Variants in YTHDC2 observed in about 807,000 individuals in gnomAD.
YTHDC2 encodes the protein 3'-5' RNA helicase YTHDC2.
YTHDC2 carries 45 observed loss-of-function variants against 174.9 expected under a neutral mutation model. The observed-to-expected ratio is 0.26, with a 90% CI of 0.20 to 0.33. YTHDC2 has a LOEUF of 0.33. Among genes scored for constraint, YTHDC2 ranks in the 10% least tolerant of loss-of-function variants. YTHDC2 has a pLI of 1.00. For synonymous variants in YTHDC2, 657 were observed against 574.5 expected (o/e 1.14, Z -2.05); for missense variants, 1,650 against 1,723.7 (o/e 0.96, Z 0.76).
chr5:113,526,288 TTTA>T (rs936500992), intron 3 of YTHDC2, among the ~76,000 whole-genome samples: 2 of 152,078 alleles, frequency 1.3e-5, no homozygotes, highest in South Asian at 2.1e-4. Flanking sequence ...TATTGAATGA[TTTA>T]TTTTTATCAA....
At chr5:113,569,747 C>T (rs1273676988) in intron 23 of YTHDC2, among the ~76,000 whole-genome samples, 1 of 152,138 alleles carries the variant, frequency 6.6e-6, no homozygotes, top group South Asian at 2.1e-4. Flanking sequence ...GCTACTGTAG[C>T]CCTGTAGTAT....
intron 5 of YTHDC2, among the ~76,000 whole-genome samples, chr5:113,533,272 G>A (rs1774811362): frequency 6.6e-6 from 1 of 152,134 alleles, no homozygotes; most frequent in South Asian, 2.1e-4. Context: ...GCGGGACGCG[G>A]TGGCTCATGC....
intron 7 of YTHDC2, 70 bp downstream of exon 7, chr5:113,535,868 C>T (rs1227758739): frequency 2.3e-6 from 3 of 1,318,048 alleles, no homozygotes; most frequent in African/African-American, 3.0e-5. Flanking sequence ...TTTATCCTAA[C>T]AGAAACTGGG....
At chr5:113,567,383 C>G in intron 22 of YTHDC2, 86 bp downstream of exon 22, 1 of 828,450 alleles carries the variant, frequency 1.2e-6, no homozygotes, top group Non-Finnish European at 1.7e-6. Flanking sequence ...AAATACCTGC[C>G]TGCTTTAAGA....
intron 10 of YTHDC2, among the ~76,000 whole-genome samples, chr5:113,547,877 A>G (rs1775995429): frequency 6.6e-6 from 1 of 152,180 alleles, no homozygotes; most frequent in African/African-American, 2.4e-5. Flanking sequence ...TCTTTCTGAA[A>G]TTACCAATTT....
chr5:113,560,180 A>G (rs573630522), intron 17 of YTHDC2, among the ~76,000 whole-genome samples: 1 of 152,178 alleles, frequency 6.6e-6, no homozygotes, highest in South Asian at 2.1e-4. Flanking sequence ...GCTCCTTCTG[A>G]ATTATTTTAT....
Position 113,513,999 on chromosome 5 carries a change from G to T in YTHDC2, c.104G>T (p.Gly35Val), listed in dbSNP as rs779928784. ...CGPGGGGRAK[G>V]LKDIRIDEEV... The stretch of plus-strand genomic sequence containing the variant: ...CCTGGGGGCGGCGGCCGGGCCAAGG[G>T]GCTGAAGGACATTCGCATTGATGAG... Residue 35 changes from glycine to valine, a missense_variant, in exon 1 of 30, where the codon GGG (glycine) becomes GTG (valine). This residue lies in a region of YTHDC2 where 304 missense variants were observed against 341.4 expected (regional missense o/e 0.89). Coordinates refer to ENST00000161863, the MANE Select transcript of YTHDC2 (RefSeq NM_022828.5). 3.7e-6 allele frequency: 6 copies of T among 1,608,320 alleles called. No homozygotes were observed. In the East Asian group the frequency reaches 1.3e-4, roughly 36 times the overall value.
At chr5:113,544,341 G>A (rs1775700750) in intron 10 of YTHDC2, among the ~76,000 whole-genome samples, 1 of 152,004 alleles carries the variant, frequency 6.6e-6, no homozygotes, top group Non-Finnish European at 1.5e-5. Flanking sequence ...AGTAGAGACG[G>A]AGTTTCACCA....
At chr5:113,590,115 T>C (rs1289077796) in intron 26 of YTHDC2, among the ~76,000 whole-genome samples, 1 of 152,232 alleles carries the variant, frequency 6.6e-6, no homozygotes, top group Non-Finnish European at 1.5e-5. Flanking sequence ...TCTTCAGCCT[T>C]AATTATGTAA....
intron 18 of YTHDC2, among the ~76,000 whole-genome samples, chr5:113,561,958 GT>G (rs1217345811): frequency 0.057 from 901 of 15,686 alleles, 13 homozygotes; most frequent in African/African-American, 0.24. Flanking sequence ...TTAATTGTGG[GT>G]GTGTGTGTGT....
intron 2 of YTHDC2, 25 bp downstream of exon 2, chr5:113,515,387 T>G: frequency 6.3e-7 from 1 of 1,578,282 alleles, no homozygotes; most frequent in Non-Finnish European, 8.6e-7. Context: ...TTTCTTATTT[T>G]TTTTAAAAAA....
chr5:113,533,140 A>C, intron 5 of YTHDC2, 95 bp downstream of exon 5: 1 of 1,412,650 alleles, frequency 7.1e-7, no homozygotes, highest in South Asian at 1.4e-5. Context: ...TTGAAAAGTT[A>C]GGTGATCATT....
At chr5:113,560,173 CCTT>C (rs796701846) in intron 17 of YTHDC2, among the ~76,000 whole-genome samples, 98 of 152,194 alleles carry the variant, frequency 6.4e-4, no homozygotes, top group African/African-American at 2.2e-3. Context: ...TGGCTTGGCT[CCTT>C]CTGAATTATT....
chr5:113,557,630 C>CA (rs1172431429), intron 17 of YTHDC2, among the ~76,000 whole-genome samples: 1 of 151,932 alleles, frequency 6.6e-6, no homozygotes, highest in Non-Finnish European at 1.5e-5. Flanking sequence ...CTTGTCTCTA[C>CA]AAAAAATTAA....
chr5:113,541,087 G>A lies in YTHDC2; in HGVS notation c.1330G>A (p.Asp444Asn). ...NVTDEYDLLD[D>N]GGDAVFSQLT... Reference sequence around the variant, plus strand: ...GACTGATGAGTATGACTTACTGGATGATGGTGGTGATGCTGTCTTCAGTCA... The same window carrying A: ...GACTGATGAGTATGACTTACTGGATAATGGTGGTGATGCTGTCTTCAGTCA... Residue 444 changes from aspartate (D) to asparagine (N), a missense_variant, in exon 9 of 30, where the codon GAT (aspartate) becomes AAT (asparagine). Coordinates refer to ENST00000161863, the MANE Select transcript of YTHDC2 (RefSeq NM_022828.5). The A allele has an allele frequency of 6.2e-7, 1 of 1,614,140 alleles. No homozygotes were observed. The highest frequency in any genetic ancestry group is 1.1e-5 in the South Asian group (1 of 91,088).
intron 10 of YTHDC2, among the ~76,000 whole-genome samples, chr5:113,545,563 T>C (rs1775810966): frequency 6.6e-6 from 1 of 152,018 alleles, no homozygotes; most frequent in Admixed American, 6.6e-5. Flanking sequence ...TCATCTCTTC[T>C]GCAAAACCTG....
chr5:113,561,476 T>A (rs963499376), intron 18 of YTHDC2, among the ~76,000 whole-genome samples: 24 of 151,240 alleles, frequency 1.6e-4, no homozygotes, highest in African/African-American at 5.3e-4. Flanking sequence ...TATCTATATT[T>A]TTTTTTTTTT....
chr5:113,550,239 G>T (rs1393333479), intron 12 of YTHDC2, among the ~76,000 whole-genome samples: 2 of 151,882 alleles, frequency 1.3e-5, no homozygotes, highest in South Asian at 4.2e-4. Context: ...GATCGCATAG[G>T]AACAGAAGAT....
At chr5:113,529,950 G>T (rs568654133) in intron 4 of YTHDC2, among the ~76,000 whole-genome samples, 33 of 151,918 alleles carry the variant, frequency 2.2e-4, no homozygotes, top group Non-Finnish European at 4.4e-4. Context: ...TGTAGAGGTG[G>T]GGTATCACTA....
Sources: gnomAD v4.1 joint callset for allele counts (sites outside exome capture counted in the v4.1 genomes callset) on GRCh38, gnomAD v4.1.1 for gene constraint, gnomAD v4.1.1 regional missense constraint, MANE v1.5 for transcripts, NCBI Gene and HGNC (gene_info 2026-07-23, HGNC 2026-07-21) for gene names.